DOCK3: variants seen among roughly 807,000 people sequenced by gnomAD.
The protein encoded by DOCK3 is dedicator of cytokinesis 3.
Under a neutral mutation model 265.6 loss-of-function variants are expected in DOCK3, and 60 were observed. That is an observed-to-expected ratio of 0.23 (90% CI 0.18 to 0.28). DOCK3 has a LOEUF of 0.28. Ranked by LOEUF, DOCK3 falls within the 10% of genes least tolerant of loss-of-function variation. The probability of loss-of-function intolerance (pLI) is 1.00; values close to 1 mark genes in which losing one functional copy is unlikely to be tolerated. For synonymous variants in DOCK3, 881 were observed against 938.0 expected (o/e 0.94, Z 1.11); for missense variants, 1,981 against 2,594.3 (o/e 0.76, Z 5.14).
chr3:51,315,061 A>G lies in DOCK3; in HGVS notation c.3335A>G (p.Asn1112Ser). The G allele has an allele frequency of 6.2e-7, 1 of 1,613,012 alleles. No individual in the cohort carries two copies. Among genetic ancestry groups the G allele is most frequent in the Non-Finnish European group, 8.5e-7 (1 of 1,179,330 alleles). ...CTGGTCCCACAGCCAGAAGTACGGA[A>G]TATCATGATTCCCATCTTTCATGAC... ...VTLVPQPEVRNIMIPIFHDMM... is the reference protein window; with the variant it reads ...VTLVPQPEVRSIMIPIFHDMM... The change falls in exon 32 of 53, where the codon AAT becomes AGT. Residue 1112 changes from asparagine to serine, a missense_variant. Coordinates refer to ENST00000266037, the MANE Select transcript of DOCK3 (RefSeq NM_004947.5).
chr3:50,883,310 T>C (rs942529721), intron 3 of DOCK3, among the ~76,000 whole-genome samples: 2 of 151,970 alleles, frequency 1.3e-5, no homozygotes, highest in African/African-American at 4.8e-5. Flanking sequence ...TGGCAAATAA[T>C]CACGCACAAG....
chr3:51,360,119 T>G (rs1472842090), intron 46 of DOCK3, among the ~76,000 whole-genome samples: 1 of 152,196 alleles, frequency 6.6e-6, no homozygotes, highest in Non-Finnish European at 1.5e-5. Flanking sequence ...CCAATCCTTA[T>G]GTAATTGGTG....
At chr3:50,724,490 A>C (rs1479382822) in intron 1 of DOCK3, among the ~76,000 whole-genome samples, 1 of 152,244 alleles carries the variant, frequency 6.6e-6, no homozygotes, top group African/African-American at 2.4e-5. Context: ...GCACATATAC[A>C]CCATGCAATA....
chr3:51,229,193 G>A (rs2090447127), intron 18 of DOCK3, among the ~76,000 whole-genome samples: 1 of 152,156 alleles, frequency 6.6e-6, no homozygotes, highest in South Asian at 2.1e-4. Flanking sequence ...GCTCATGCCT[G>A]TAATCCCAGC....
rs1418711801 is a variant in DOCK3, at chr3:51,016,677, T to TTA, written c.316-47765_316-47764dup. On this transcript the variant is annotated intron_variant, in intron 5 of 52. Transcript: ENST00000266037. ...TTTATATATATTATATGATATATAT[T>TTA]TATATATCATATAATATATAAATAT... 5.3e-4 allele frequency among the ~76,000 whole-genome samples: 44 copies of TTA among 82,514 alleles called. 1 individual carries two copies. The South Asian group carries it at 0.016, about 30-fold the overall frequency. 54.1% of individuals were successfully genotyped at this position (82,514 alleles called of 152,430 possible). A position where few individuals can be genotyped will look rare whatever the true frequency, so the allele number is the denominator to read the frequency against.
At chr3:51,351,314 A>G (rs2085960689) in intron 40 of DOCK3, among the ~76,000 whole-genome samples, 1 of 152,126 alleles carries the variant, frequency 6.6e-6, no homozygotes, top group South Asian at 2.1e-4. Flanking sequence ...TCCCTTTGAT[A>G]TGTTTGGGAT....
At chr3:51,035,365 G>T (rs1466710253) in intron 5 of DOCK3, among the ~76,000 whole-genome samples, 1 of 152,010 alleles carries the variant, frequency 6.6e-6, no homozygotes, top group Admixed American at 6.6e-5. Context: ...CTGCCATTAA[G>T]CTCATGCAGT....
At chr3:50,817,980 T>C (rs1302545021) in intron 2 of DOCK3, among the ~76,000 whole-genome samples, 2 of 152,350 alleles carry the variant, frequency 1.3e-5, no homozygotes, top group Admixed American at 1.3e-4. Flanking sequence ...CCTTCAGTAT[T>C]ATGCATGGAG....
At chr3:51,328,302 T>C (rs571999171) in intron 32 of DOCK3, among the ~76,000 whole-genome samples, 1 of 152,260 alleles carries the variant, frequency 6.6e-6, no homozygotes, top group South Asian at 2.1e-4. Context: ...TATACCACCA[T>C]GTGTGAAGAG....
chr3:51,000,808 A>C (rs1190917340), intron 5 of DOCK3, among the ~76,000 whole-genome samples: 1 of 152,100 alleles, frequency 6.6e-6, no homozygotes, highest in African/African-American at 2.4e-5. Context: ...ACGTGCCACC[A>C]TGCCCAGCTA....
rs952852566 is a variant in DOCK3 at position 51,313,965 on chromosome 3, AT to A, written c.3254-1007del. Among the ~76,000 whole-genome samples the A allele has an allele frequency of 3.9e-5, 6 of 152,204 alleles. No homozygotes were observed. In the South Asian group the frequency reaches 6.2e-4, roughly 16 times the overall value. ...CAGGGCTAAACATTTGCTTCTTAGAATTTTTTTTAATACCAGATTTGCCTGA... is the reference window on the plus strand; with the variant it reads ...CAGGGCTAAACATTTGCTTCTTAGAATTTTTTTAATACCAGATTTGCCTGA... On this transcript the variant is annotated intron_variant, in intron 31 of 52. Transcript: ENST00000266037.
intron 23 of DOCK3, among the ~76,000 whole-genome samples, chr3:51,267,141 T>A (rs781329612): frequency 6.6e-6 from 1 of 152,156 alleles, no homozygotes; most frequent in Non-Finnish European, 1.5e-5. Flanking sequence ...CTAGTTAGAA[T>A]GGCGATCATT....
chr3:51,049,065 G>A (rs767494891), intron 5 of DOCK3, among the ~76,000 whole-genome samples: 21 of 152,072 alleles, frequency 1.4e-4, no homozygotes, highest in Non-Finnish European at 2.2e-4. Context: ...TGTGGCTCAC[G>A]CCTGTAATCC....
At chr3:51,219,941 C>G (rs1458698221) in intron 14 of DOCK3, among the ~76,000 whole-genome samples, 1 of 152,180 alleles carries the variant, frequency 6.6e-6, no homozygotes, top group Admixed American at 6.5e-5. Context: ...TCACACTATG[C>G]CCATACCTCT....
intron 14 of DOCK3, among the ~76,000 whole-genome samples, chr3:51,219,568 T>C (rs2089973143): frequency 6.6e-6 from 1 of 152,220 alleles, no homozygotes; most frequent in Non-Finnish European, 1.5e-5. Flanking sequence ...GGTGTATAGA[T>C]ACAGGAAACT....
At chr3:50,903,939 A>G (rs1391941432) in intron 4 of DOCK3, among the ~76,000 whole-genome samples, 1 of 150,682 alleles carries the variant, frequency 6.6e-6, no homozygotes, top group East Asian at 1.9e-4. Context: ...AACAGGCCCC[A>G]GTGTGTGATG....
intron 32 of DOCK3, among the ~76,000 whole-genome samples, chr3:51,328,826 A>T (rs2084326138): frequency 6.6e-6 from 1 of 152,184 alleles, no homozygotes; most frequent in Non-Finnish European, 1.5e-5. Flanking sequence ...TTTATATGAA[A>T]TAATAAATAA....
At chr3:51,351,305 C>T (rs926499736) in intron 40 of DOCK3, among the ~76,000 whole-genome samples, 3 of 152,156 alleles carry the variant, frequency 2.0e-5, no homozygotes, top group Non-Finnish European at 4.4e-5. Flanking sequence ...TGGGAAAATT[C>T]CCTTTGATAT....
chr3:51,090,580 T>G (rs2082601713), intron 9 of DOCK3, among the ~76,000 whole-genome samples, 196 bp downstream of exon 9: 1 of 152,200 alleles, frequency 6.6e-6, no homozygotes, highest in South Asian at 2.1e-4. Context: ...GGTGGCTGCC[T>G]TTTTTATGAC....
Sources: gnomAD v4.1 joint callset for allele counts (sites outside exome capture counted in the v4.1 genomes callset) on GRCh38, gnomAD v4.1.1 for gene constraint, MANE v1.5 for transcripts, NCBI Gene and HGNC (gene_info 2026-07-23, HGNC 2026-07-21) for gene names.